ADARB2: variants seen among roughly 807,000 people sequenced by gnomAD.
The protein encoded by ADARB2 is inactive double-stranded RNA-specific editase B2.
A neutral mutation model predicts 62.2 loss-of-function variants in ADARB2; 25 were observed. The ratio of observed to expected loss-of-function variants is 0.40; its 90% confidence interval spans 0.29 to 0.56. The LOEUF (loss-of-function observed/expected upper bound fraction) is 0.56, where lower values mean the gene tolerates loss of function less well. Ranked by LOEUF, ADARB2 falls within the 20% of genes least tolerant of loss-of-function variation. ADARB2 has a pLI of 0.43. For missense variants in ADARB2, 1,071 were observed against 1,077.4 expected (o/e 0.99, Z 0.08); for synonymous variants, 572 against 500.8 (o/e 1.14, Z -1.90).
intron 1 of ADARB2, among the ~76,000 whole-genome samples, chr10:1,711,239 C>A (rs751121150): frequency 6.6e-6 from 1 of 152,138 alleles, no homozygotes; most frequent in Non-Finnish European, 1.5e-5. Flanking sequence ...ACATGAGAAG[C>A]TGAGAACAAA....
intron 3 of ADARB2, among the ~76,000 whole-genome samples, chr10:1,283,037 A>G (rs1442577131): frequency 6.6e-6 from 1 of 152,170 alleles, no homozygotes; most frequent in Non-Finnish European, 1.5e-5. Context: ...CGTCCACTTG[A>G]ACTTGCATCA....
At chr10:1,708,124 G>C (rs980889775) in intron 1 of ADARB2, among the ~76,000 whole-genome samples, 3 of 152,200 alleles carry the variant, frequency 2.0e-5, no homozygotes, top group Admixed American at 6.5e-5. Flanking sequence ...GCTCTGCTCC[G>C]TGCGGGCTGC....
Position 1,566,516 on chromosome 10 carries a change from C to A in ADARB2, c.100+170535G>T, listed in dbSNP as rs77166286. ...AAAGTAATTTGGAAATAATGGACAG[C>A]GTTTTAGTGGTTACTGTGGGGAAAA... On this transcript the variant is annotated intron_variant, in intron 1 of 9. Transcript: ENST00000381312. Among the ~76,000 whole-genome samples, 1,346 of 152,186 alleles carry A rather than the reference C, an allele frequency of 8.8e-3. 14 individuals carry two copies. The highest frequency in any genetic ancestry group is 0.031 in the African/African-American group (1,287 of 41,466).
At chr10:1,453,613 G>C (rs563735669) in intron 1 of ADARB2, among the ~76,000 whole-genome samples, 1 of 151,878 alleles carries the variant, frequency 6.6e-6, no homozygotes, top group Admixed American at 6.6e-5. Flanking sequence ...GATACGAATT[G>C]GTTTCTAGAC....
chr10:1,631,860 A>G (rs1833847715), intron 1 of ADARB2, among the ~76,000 whole-genome samples: 1 of 152,244 alleles, frequency 6.6e-6, no homozygotes, highest in South Asian at 2.1e-4. Flanking sequence ...GTATAGTGTC[A>G]TAGAAATTCT....
At chr10:1,517,773 A>G (rs566333420) in intron 1 of ADARB2, among the ~76,000 whole-genome samples, 1 of 152,024 alleles carries the variant, frequency 6.6e-6, no homozygotes. Flanking sequence ...ACGAGATGGG[A>G]TTTTGTCTTC....
At chr10:1,302,003 G>A (rs533184050) in intron 3 of ADARB2, among the ~76,000 whole-genome samples, 3 of 152,084 alleles carry the variant, frequency 2.0e-5, no homozygotes, top group African/African-American at 7.2e-5. Context: ...TGTATAAAAT[G>A]TATCTCCCAT....
intron 7 of ADARB2, among the ~76,000 whole-genome samples, chr10:1,205,738 C>T (rs555180919): frequency 2.0e-5 from 3 of 152,382 alleles, no homozygotes; most frequent in Admixed American, 2.0e-4. Context: ...CAGCCTCCAG[C>T]GCCAAGAGGA....
At chr10:1,565,893 T>C (rs1832853403) in intron 1 of ADARB2, among the ~76,000 whole-genome samples, 1 of 152,112 alleles carries the variant, frequency 6.6e-6, no homozygotes, top group Admixed American at 6.5e-5. Flanking sequence ...TGGTCCTGCC[T>C]GTAACTCTGC....
At chr10:1,692,688 G>A (rs1346314993) in intron 1 of ADARB2, among the ~76,000 whole-genome samples, 3 of 151,022 alleles carry the variant, frequency 2.0e-5, no homozygotes, top group African/African-American at 7.4e-5. Context: ...CACCTTCTCT[G>A]CTTGGCTCCT....
intron 1 of ADARB2, among the ~76,000 whole-genome samples, chr10:1,652,853 A>G (rs79363286): frequency 0.015 from 2,213 of 152,250 alleles, 73 homozygotes; most frequent in African/African-American, 0.05. Flanking sequence ...TAGGACTGAT[A>G]AACAAACCAG....
At chr10:1,232,957 A>G (rs549167208) in intron 6 of ADARB2, among the ~76,000 whole-genome samples, 3 of 151,968 alleles carry the variant, frequency 2.0e-5, no homozygotes, top group African/African-American at 7.3e-5. Flanking sequence ...ATATACATAT[A>G]TGTGTGTGAC....
chr10:1,333,510 T>C (rs1261266165), intron 3 of ADARB2, among the ~76,000 whole-genome samples: 37 of 152,168 alleles, frequency 2.4e-4, no homozygotes, highest in Admixed American at 2.4e-3. Context: ...CACTTAATTT[T>C]GAGGGTATTT....
chr10:1,194,423 C>T (rs1335597946), intron 8 of ADARB2, among the ~76,000 whole-genome samples: 1 of 152,128 alleles, frequency 6.6e-6, no homozygotes, highest in Non-Finnish European at 1.5e-5. Flanking sequence ...TTTAGACTTG[C>T]CAGCCTACAC....
intron 7 of ADARB2, among the ~76,000 whole-genome samples, chr10:1,213,061 C>G (rs1473589358): frequency 6.6e-6 from 1 of 152,024 alleles, no homozygotes; most frequent in Non-Finnish European, 1.5e-5. Context: ...TCAGGGAGCT[C>G]ATCAATGAGG....
intron 6 of ADARB2, among the ~76,000 whole-genome samples, chr10:1,232,773 ATATGGTATGTG>A (rs1425182259): frequency 6.7e-6 from 1 of 148,624 alleles, no homozygotes; most frequent in East Asian, 2.0e-4. Flanking sequence ...TGTGTGGTAT[ATATGGTATGTG>A]TGTGGTGTAT....
chr10:1,363,053 C>G lies in ADARB2; in HGVS notation c.1052G>C (p.Arg351Thr). Reference sequence around the variant, plus strand: ...CTGCGGCATTGGCGTCCTCCTGGCCCTGCCGGGCGCGTGGCCGGGCATCTG... The same window carrying G: ...CTGCGGCATTGGCGTCCTCCTGGCCGTGCCGGGCGCGTGGCCGGGCATCTG... ...DIQMPGHAPG[R>T]ARRTPMPQEF... Residue 351 changes from arginine to threonine, a missense_variant, in exon 3 of 10, where the codon AGG (arginine) becomes ACG (threonine). Coordinates refer to ENST00000381312, the MANE Select transcript of ADARB2 (RefSeq NM_018702.4). 1 of 1,437,958 alleles carries G rather than the reference C, an allele frequency of 7.0e-7. No homozygotes were observed. Among genetic ancestry groups the G allele is most frequent in the Non-Finnish European group, 9.1e-7 (1 of 1,096,954 alleles). The allele number at this position is 1,437,958 out of a possible 1,614,324, so 89.1% of individuals were successfully genotyped here.
At chr10:1,395,137 T>C (rs1043083562) in intron 1 of ADARB2, among the ~76,000 whole-genome samples, 11 of 152,176 alleles carry the variant, frequency 7.2e-5, no homozygotes, top group African/African-American at 1.2e-4. Flanking sequence ...GACCTCGGCC[T>C]CCCAAAGTGT....
chr10:1,574,143 AGCTGAGCCGTCT>A (rs1478821252), intron 1 of ADARB2, among the ~76,000 whole-genome samples: 2 of 152,322 alleles, frequency 1.3e-5, no homozygotes, highest in African/African-American at 4.8e-5. Context: ...CCCGCCTCCC[AGCTGAGCCGTCT>A]GCTGAGCGAG....
Sources: gnomAD v4.1 joint callset for allele counts (sites outside exome capture counted in the v4.1 genomes callset) on GRCh38, gnomAD v4.1.1 for gene constraint, MANE v1.5 for transcripts, NCBI Gene and HGNC (gene_info 2026-07-23, HGNC 2026-07-21) for gene names.